MZT1: variants seen among roughly 807,000 people sequenced by gnomAD.
MZT1 encodes mitotic spindle organizing protein 1, also known as mitotic-spindle organizing protein 1.
A neutral mutation model predicts 8.5 loss-of-function variants in MZT1; 8 were observed. The ratio of observed to expected loss-of-function variants is 0.94; its 90% CI spans 0.55 to 1.70. The LOEUF is 1.70. MZT1 is among the 40% of genes most tolerant of loss of function. The pLI is 0.00. For missense variants in MZT1, 93 were observed against 108.6 expected (o/e 0.86, Z 0.64); for synonymous variants, 38 against 42.0 (o/e 0.90, Z 0.37).
At chr13:72,715,387 G>A (rs2032525332) in intron 2 of MZT1, among the ~76,000 whole-genome samples, 1 of 152,160 alleles carries the variant, frequency 6.6e-6, no homozygotes, top group Admixed American at 6.5e-5. Context: ...GACTTGCCTT[G>A]TCTCAGAACT....
At chr13:72,715,768 A>T (rs1161135663) in intron 2 of MZT1, among the ~76,000 whole-genome samples, 1 of 152,080 alleles carries the variant, frequency 6.6e-6, no homozygotes, top group Non-Finnish European at 1.5e-5. Flanking sequence ...TTGCCATGTG[A>T]CATGCCTTCT....
At position 72,719,111 on chromosome 13, in the gene MZT1, CA is replaced by C. The variant is rs753365312; in HGVS notation, c.80-15del. The C allele has an allele frequency of 0.16, 197,300 of 1,226,804 alleles. 1,853 individuals carry two copies. The highest frequency in any genetic ancestry group is 0.2 in the Middle Eastern group (850 of 4,174). The allele number at this position is 1,226,804 out of a possible 1,614,324, so 76.0% of individuals were successfully genotyped here. A position where few individuals can be genotyped will look rare whatever the true frequency, so the allele number is the denominator to read the frequency against. ...TCTCAAGCAGAACTGAAAAAAGATA[CA>C]AAAAAAAAAAAAACTTAAGGCTTAC... On this transcript the variant is annotated splice_polypyrimidine_tract_variant and intron_variant, in intron 1 of 2. Coordinates refer to ENST00000377818, the MANE Select transcript of MZT1 (RefSeq NM_001071775.3).
rs1593794643 is a variant in MZT1 at position 72,710,039 on chromosome 13, T to A, written c.*283A>T. The A allele has an allele frequency of 2.6e-6, 1 of 391,780 alleles. No homozygotes were observed. 24.3% of individuals were successfully genotyped at this position (391,780 alleles called of 1,614,324 possible). A position where few individuals can be genotyped will look rare whatever the true frequency, so the allele number is the denominator to read the frequency against. ...GACAGACTGCTTAGAAAATTAAAGCTATCAGAGCTATAAATAAGGAATACA... is the reference window on the plus strand; with the variant it reads ...GACAGACTGCTTAGAAAATTAAAGCAATCAGAGCTATAAATAAGGAATACA... On this transcript the variant is annotated 3_prime_UTR_variant, in exon 3 of 3. Coordinates refer to ENST00000377818, the MANE Select transcript of MZT1 (RefSeq NM_001071775.3).
At chr13:72,725,754 G>T (rs1450284346) in intron 1 of MZT1, among the ~76,000 whole-genome samples, 1 of 152,002 alleles carries the variant, frequency 6.6e-6, no homozygotes, top group African/African-American at 2.4e-5. Context: ...CAGAGAAAAT[G>T]TGAGTTTTCT....
intron 1 of MZT1, among the ~76,000 whole-genome samples, chr13:72,720,933 T>TC (rs2032587323): frequency 3.5e-5 from 1 of 28,512 alleles, no homozygotes; most frequent in Non-Finnish European, 3.9e-4. Flanking sequence ...AATTTGAGTC[T>TC]TAAAAAAAAA....
At chr13:72,715,088 G>A (rs948660853) in intron 2 of MZT1, among the ~76,000 whole-genome samples, 8 of 152,196 alleles carry the variant, frequency 5.3e-5, no homozygotes, top group Non-Finnish European at 1.2e-4. Flanking sequence ...GCAGCCATGG[G>A]GGCTTAACCC....
chr13:72,721,562 C>T (rs2032594258), intron 1 of MZT1, among the ~76,000 whole-genome samples: 1 of 152,220 alleles, frequency 6.6e-6, no homozygotes, highest in African/African-American at 2.4e-5. Context: ...GTTATTCAAA[C>T]TCTACCTGCC....
At chr13:72,715,065 C>A (rs2138008822) in intron 2 of MZT1, among the ~76,000 whole-genome samples, 1 of 152,290 alleles carries the variant, frequency 6.6e-6, no homozygotes, top group Non-Finnish European at 1.5e-5. Context: ...CTCAACAATG[C>A]CAGCCCACGA....
At chr13:72,710,708 A>G (rs912855763) in intron 2 of MZT1, among the ~76,000 whole-genome samples, 8 of 152,144 alleles carry the variant, frequency 5.3e-5, no homozygotes, top group African/African-American at 1.9e-4. Context: ...AAAATGAAAA[A>G]GACCTTTCAT....
chr13:72,715,138 G>C (rs2138008901), intron 2 of MZT1, among the ~76,000 whole-genome samples: 1 of 152,324 alleles, frequency 6.6e-6, no homozygotes, highest in South Asian at 2.1e-4. Flanking sequence ...GGCCTTGGGA[G>C]CATACCCCTC....
chr13:72,720,310 T>G (rs190837613), intron 1 of MZT1, among the ~76,000 whole-genome samples: 1 of 152,250 alleles, frequency 6.6e-6, no homozygotes. Flanking sequence ...TTATATTGCA[T>G]GTAGTAGGGT....
At position 72,725,326 on chromosome 13, in the gene MZT1, C is replaced by T. The variant is rs74094509; in HGVS notation, c.79+2198G>A. Among the ~76,000 whole-genome samples, 589 of 152,158 alleles carry T rather than the reference C, an allele frequency of 3.9e-3. 2 individuals are homozygous for T. Among genetic ancestry groups the T allele is most frequent in the African/African-American group, 0.013 (549 of 41,512 alleles). On this transcript the variant is annotated intron_variant, in intron 1 of 2. Transcript: ENST00000377818. ...ATGAAAGCAGAGATCTCATGCAGAC[C>T]TTATTCTAAATTGGCAGAGATAGTT...
chr13:72,716,626 T>C (rs561261264), intron 2 of MZT1, among the ~76,000 whole-genome samples: 87 of 152,316 alleles, frequency 5.7e-4, no homozygotes, highest in Admixed American at 1.6e-3. Flanking sequence ...ATTGACCGTC[T>C]CTATGAGCCC....
At chr13:72,715,971 C>G (rs1271293914) in intron 2 of MZT1, among the ~76,000 whole-genome samples, 3 of 151,880 alleles carry the variant, frequency 2.0e-5, no homozygotes, top group African/African-American at 7.3e-5. Context: ...GGCTAGAGTA[C>G]AGTGGTGTGA....
chr13:72,726,281 A>G (rs761010142), intron 1 of MZT1, among the ~76,000 whole-genome samples: 47 of 152,098 alleles, frequency 3.1e-4, no homozygotes, highest in Non-Finnish European at 5.7e-4. Context: ...AATACAAAAA[A>G]TTAGCCGGGT....
chr13:72,726,760 A>AC (rs2032666273), intron 1 of MZT1, among the ~76,000 whole-genome samples: 1 of 151,502 alleles, frequency 6.6e-6, no homozygotes, highest in Non-Finnish European at 1.5e-5. Context: ...AAAAAAAAAA[A>AC]AACTAAACAG....
At position 72,715,340 on chromosome 13, in the gene MZT1, A is replaced by T. The variant is rs190178629; in HGVS notation, c.225+3612T>A. ...ATCCCATTGTGTCTTGGAAGTAAAT[A>T]ACTTGTTTTAGATTTTACAGGCTCA... On this transcript the variant is annotated intron_variant, in intron 2 of 2. Coordinates refer to ENST00000377818, the MANE Select transcript of MZT1 (RefSeq NM_001071775.3). Among the ~76,000 whole-genome samples the T allele has an allele frequency of 6.6e-5, 10 of 150,792 alleles. No individual in the cohort carries two copies. In the East Asian group the frequency reaches 1.9e-3, roughly 29 times the overall value.
chr13:72,713,933 A>T (rs1468461421), intron 2 of MZT1, among the ~76,000 whole-genome samples: 1 of 152,242 alleles, frequency 6.6e-6, no homozygotes, highest in Admixed American at 6.5e-5. Context: ...TCATATAAAT[A>T]TTAGCTATTC....
At position 72,724,752 on chromosome 13, in the gene MZT1, A is replaced by ATATATATATATATATATGTGTGTG. The variant is rs1180726488; in HGVS notation, c.79+2771_79+2772insCACACACATATATATATATATATA. Among the ~76,000 whole-genome samples, 4 of 56,892 alleles carry ATATATATATATATATATGTGTGTG rather than the reference A, an allele frequency of 7.0e-5. 1 individual carries two copies. The highest frequency in any genetic ancestry group is 1.5e-4 in the Non-Finnish European group (4 of 26,834). The allele number at this position is 56,892 out of a possible 152,430, so 37.3% of individuals were successfully genotyped here. On this transcript the variant is annotated intron_variant, in intron 1 of 2. Coordinates refer to ENST00000377818, the MANE Select transcript of MZT1 (RefSeq NM_001071775.3). ...TATATATATATATACACATATATAT[A>ATATATATATATATATATGTGTGTG]TGTAAAGTGGTGCTACAGGCCGGGC...
Sources: gnomAD v4.1 joint callset for allele counts (sites outside exome capture counted in the v4.1 genomes callset) on GRCh38, gnomAD v4.1.1 for gene constraint, MANE v1.5 for transcripts, NCBI Gene and HGNC (gene_info 2026-07-23, HGNC 2026-07-21) for gene names.